FNDC3B: variants seen among roughly 807,000 people sequenced by gnomAD.
The protein encoded by FNDC3B is fibronectin type III domain-containing protein 3B.
Under a neutral mutation model 151.5 loss-of-function variants are expected in FNDC3B, and 12 were observed. The ratio of observed to expected loss-of-function variants is 0.08; its 90% CI spans 0.05 to 0.13. The LOEUF (loss-of-function observed/expected upper bound fraction) is 0.13. Ranked by LOEUF, FNDC3B falls within the 10% of genes least tolerant of loss-of-function variation. The pLI is 1.00. For synonymous variants in FNDC3B, 528 were observed against 549.0 expected, an observed-to-expected ratio of 0.96 and a Z score of 0.54; for missense variants, 1,214 against 1,505.3, an observed-to-expected ratio of 0.81 and a Z score of 3.20.
At chr3:172,196,931 C>T (rs7626425) in intron 3 of FNDC3B, among the ~76,000 whole-genome samples, 131,094 of 152,140 alleles carry the variant, frequency 0.86, 56,769 homozygotes, top group Non-Finnish European at 0.92. Flanking sequence ...GCCTGTAATC[C>T]CACCACTTTG....
chr3:172,326,538 A>G (rs751235877), intron 11 of FNDC3B, among the ~76,000 whole-genome samples: 1 of 152,106 alleles, frequency 6.6e-6, no homozygotes, highest in Admixed American at 6.5e-5. Context: ...TGTTTTTGAG[A>G]TGGAGTCTTG....
At chr3:172,161,879 T>C (rs921613081) in intron 3 of FNDC3B, among the ~76,000 whole-genome samples, 6 of 152,126 alleles carry the variant, frequency 3.9e-5, no homozygotes, top group Admixed American at 2.0e-4. Flanking sequence ...AGGCCACCAG[T>C]AATGTACCTT....
chr3:172,128,799 A>G (rs989884351), intron 2 of FNDC3B, among the ~76,000 whole-genome samples: 13 of 152,214 alleles, frequency 8.5e-5, no homozygotes, highest in African/African-American at 3.1e-4. Flanking sequence ...GTATTCATTT[A>G]TACATGAAAA....
At chr3:172,303,483 A>C (rs1374589018) in intron 9 of FNDC3B, among the ~76,000 whole-genome samples, 1 of 152,232 alleles carries the variant, frequency 6.6e-6, no homozygotes, top group Non-Finnish European at 1.5e-5. Flanking sequence ...TGCTAGAAAA[A>C]GTTGGAGGCA....
At chr3:172,052,158 T>C (rs1239393790) in intron 1 of FNDC3B, among the ~76,000 whole-genome samples, 1 of 151,762 alleles carries the variant, frequency 6.6e-6, no homozygotes, top group Non-Finnish European at 1.5e-5. Context: ...GATCTCTGCT[T>C]ACTGCAGCCT....
chr3:172,051,242 C>T (rs557246797), intron 1 of FNDC3B, among the ~76,000 whole-genome samples: 2 of 150,314 alleles, frequency 1.3e-5, no homozygotes, highest in South Asian at 2.1e-4. Context: ...CGCCACCATA[C>T]CTGGCTAATT....
At chr3:172,380,930 G>C in intron 24 of FNDC3B, 36 bp from the exon 25 acceptor site, 2 of 1,608,524 alleles carry the variant, frequency 1.2e-6, no homozygotes, top group Non-Finnish European at 8.5e-7. Context: ...ATGATACTTT[G>C]AATTTTGAGC....
Position 172,119,224 on chromosome 3 carries a change from A to G in FNDC3B, c.111+6634A>G, listed in dbSNP as rs560374442. Among the ~76,000 whole-genome samples, 7 of 151,098 alleles carry G rather than the reference A, an allele frequency of 4.6e-5. No individual in the cohort carries two copies. The East Asian group carries it at 1.4e-3, about 29-fold the overall frequency. On this transcript the variant is annotated intron_variant, in intron 2 of 25. Coordinates refer to ENST00000415807, the MANE Select transcript of FNDC3B (RefSeq NM_022763.4). The stretch of plus-strand genomic sequence containing the variant: ...GAGGATAGGATTTATGACTAAATTT[A>G]GGAGTGACTGAATAATAGATTTGTT...
intron 9 of FNDC3B, among the ~76,000 whole-genome samples, chr3:172,304,583 A>G (rs963760644): frequency 2.2e-4 from 33 of 152,152 alleles, no homozygotes; most frequent in African/African-American, 8.0e-4. Context: ...GATTTAGCTC[A>G]TTACTACAGG....
chr3:172,330,425 T>C, intron 12 of FNDC3B, 116 bp from the exon 13 acceptor site: 4 of 836,718 alleles, frequency 4.8e-6, no homozygotes, highest in Non-Finnish European at 7.4e-6. Context: ...TACCTGGCTT[T>C]GCTTACTCTA....
At chr3:172,050,598 G>A (rs1359438438) in intron 1 of FNDC3B, among the ~76,000 whole-genome samples, 1 of 151,806 alleles carries the variant, frequency 6.6e-6, no homozygotes, top group Non-Finnish European at 1.5e-5. Context: ...TAGCCAGACT[G>A]GTCTTGAACT....
At chr3:172,165,843 A>T (rs9828697) in intron 3 of FNDC3B, among the ~76,000 whole-genome samples, 106,559 of 152,154 alleles carry the variant, frequency 0.7, 38,452 homozygotes, top group African/African-American at 0.76. Context: ...GAATTTTCCT[A>T]TAATATTCAT....
chr3:172,069,749 A>G (rs1410291211), intron 1 of FNDC3B, among the ~76,000 whole-genome samples: 1 of 152,210 alleles, frequency 6.6e-6, no homozygotes, highest in African/African-American at 2.4e-5. Context: ...GTCTTCTTCA[A>G]TTTAATTGGC....
At chr3:172,310,368 C>A (rs1351939026) in intron 10 of FNDC3B, among the ~76,000 whole-genome samples, 1 of 152,138 alleles carries the variant, frequency 6.6e-6, no homozygotes, top group Non-Finnish European at 1.5e-5. Flanking sequence ...TCGCTGATGG[C>A]TTTCTAATCT....
intron 22 of FNDC3B, among the ~76,000 whole-genome samples, chr3:172,355,508 G>C (rs1261639483): frequency 2.4e-5 from 3 of 124,050 alleles, no homozygotes; most frequent in East Asian, 7.7e-4. Context: ...TACTTAATTA[G>C]AAAATCTAGG....
At chr3:172,265,199 T>G (rs571483651) in intron 6 of FNDC3B, among the ~76,000 whole-genome samples, 4 of 152,360 alleles carry the variant, frequency 2.6e-5, no homozygotes, top group African/African-American at 9.6e-5. Flanking sequence ...TGCTTCAACT[T>G]AATATTCCAC....
At chr3:172,341,445 G>A (rs1445441428) in intron 17 of FNDC3B, among the ~76,000 whole-genome samples, 1 of 152,114 alleles carries the variant, frequency 6.6e-6, no homozygotes, top group African/African-American at 2.4e-5. Context: ...GTATTTTCGG[G>A]TACATTTGTC....
At chr3:172,280,881 G>C (rs1729671282) in intron 6 of FNDC3B, among the ~76,000 whole-genome samples, 1 of 151,416 alleles carries the variant, frequency 6.6e-6, no homozygotes, top group Non-Finnish European at 1.5e-5. Context: ...TATGTGTGTG[G>C]GTTTTTTCTT....
chr3:172,250,750 A>G (rs920776191), intron 5 of FNDC3B, among the ~76,000 whole-genome samples: 1 of 152,204 alleles, frequency 6.6e-6, no homozygotes, highest in African/African-American at 2.4e-5. Context: ...TTAATGATTG[A>G]TTATTCCTTG....
Sources: gnomAD v4.1 joint callset for allele counts (sites outside exome capture counted in the v4.1 genomes callset) on GRCh38, gnomAD v4.1.1 for gene constraint, MANE v1.5 for transcripts, NCBI Gene and HGNC (gene_info 2026-07-23, HGNC 2026-07-21) for gene names.